Variants in GMDS observed in about 807,000 individuals in gnomAD.
GMDS encodes GDP-mannose 4,6-dehydratase.
A neutral mutation model predicts 49.9 loss-of-function variants in GMDS; 20 were observed. The observed-to-expected ratio is 0.40, with a 90% CI of 0.28 to 0.58. The LOEUF (loss-of-function observed/expected upper bound fraction) is 0.58. Ranked by LOEUF, GMDS falls within the 20% of genes least tolerant of loss-of-function variation. GMDS has a pLI of 0.42. For missense variants in GMDS, 362 were observed against 481.4 expected, an observed-to-expected ratio of 0.75 and a Z score of 2.32; for synonymous variants, 177 against 178.6, an observed-to-expected ratio of 0.99 and a Z score of 0.07.
chr6:1,976,939 C>T (rs1309243562), intron 4 of GMDS, among the ~76,000 whole-genome samples: 9 of 152,220 alleles, frequency 5.9e-5, no homozygotes, highest in South Asian at 2.1e-4. Flanking sequence ...TCTACTACAA[C>T]GCAGGTCAAT....
In GMDS at chr6:2,115,862, C is replaced by G. The variant is rs1459796058; in HGVS notation, c.254G>C (p.Gly85Ala). ...AAGGCAGGTACTGTCAGTGAGATCG[C>G]CATAGTGCAACTTCATGTCTTCAGG... ...HIEGNMKLHY[G>A]DLTDSTCLVK... The change falls in exon 4 of 11, where the codon GGC becomes GCC. Residue 85 changes from glycine (G) to alanine (A), a missense_variant. Gly to Ala is a moderately conservative substitution (Grantham distance 60). Coordinates refer to ENST00000380815, the MANE Select transcript of GMDS (RefSeq NM_001500.4). 3.1e-6 allele frequency: 5 copies of G among 1,593,256 alleles called. No homozygotes were observed. Among genetic ancestry groups the G allele is most frequent in the Non-Finnish European group, 4.3e-6 (5 of 1,161,524 alleles).
At chr6:1,808,065 T>C (rs927501796) in intron 7 of GMDS, among the ~76,000 whole-genome samples, 3 of 152,226 alleles carry the variant, frequency 2.0e-5, no homozygotes, top group Admixed American at 1.3e-4. Flanking sequence ...CACTGTATTA[T>C]GTAATTTGCA....
In GMDS at chr6:1,633,820, G is replaced by T. The variant is rs187330670; in HGVS notation, c.988-9280C>A. 1.9e-3 allele frequency among the ~76,000 whole-genome samples: 284 copies of T among 152,176 alleles called. 2 individuals carry two copies. Among genetic ancestry groups the T allele is most frequent in the Non-Finnish European group, 3.2e-3 (218 of 68,010 alleles). On this transcript the variant is annotated intron_variant, in intron 9 of 10. Transcript: ENST00000380815. ...CCTCCCGGGTGGTTTCTGCCATGGA[G>T]CCCAGGCCTTTCCCAGCAAAGCCAC... is the stretch of plus-strand genomic sequence containing the variant.
intron 7 of GMDS, among the ~76,000 whole-genome samples, chr6:1,823,748 G>A (rs1770990903): frequency 6.6e-6 from 1 of 152,042 alleles, no homozygotes; most frequent in Non-Finnish European, 1.5e-5. Flanking sequence ...AGGCACAGAG[G>A]GTCTATGGAG....
At chr6:1,768,316 G>C (rs1308562759) in intron 7 of GMDS, among the ~76,000 whole-genome samples, 1 of 152,176 alleles carries the variant, frequency 6.6e-6, no homozygotes, top group Non-Finnish European at 1.5e-5. Flanking sequence ...TAGAACGACA[G>C]TATAATCAAT....
In GMDS at chr6:1,868,836, T is replaced by G. The variant is rs552016521; in HGVS notation, c.771+61267A>C. 3.3e-5 allele frequency among the ~76,000 whole-genome samples: 5 copies of G among 152,358 alleles called. No individual in the cohort carries two copies. The South Asian group carries it at 1.0e-3, about 32-fold the overall frequency. On this transcript the variant is annotated intron_variant, in intron 7 of 10. Coordinates refer to ENST00000380815, the MANE Select transcript of GMDS (RefSeq NM_001500.4). ...TATAACTTAGAATCTTATAAGGCAT[T>G]ATTTGTACATTATTTGAAATCAGAA...
intron 1 of GMDS, among the ~76,000 whole-genome samples, chr6:2,216,831 C>T (rs1232426484): frequency 2.0e-5 from 3 of 152,198 alleles, no homozygotes; most frequent in Non-Finnish European, 4.4e-5. Context: ...TTTAAGTTGG[C>T]TGCTTCCCAC....
intron 4 of GMDS, among the ~76,000 whole-genome samples, chr6:2,004,306 T>C (rs189552638): frequency 3.3e-4 from 51 of 152,334 alleles, no homozygotes; most frequent in Admixed American, 1.6e-3. Flanking sequence ...TATAGTGCTT[T>C]GTGGAGATCA....
intron 9 of GMDS, among the ~76,000 whole-genome samples, chr6:1,684,349 C>A (rs960796623): frequency 6.6e-6 from 1 of 152,132 alleles, no homozygotes; most frequent in African/African-American, 2.4e-5. Flanking sequence ...CTCACTCAAA[C>A]GTATGTAACC....
chr6:1,958,885 T>G (rs1763784408), intron 6 of GMDS, among the ~76,000 whole-genome samples: 1 of 152,198 alleles, frequency 6.6e-6, no homozygotes, highest in Non-Finnish European at 1.5e-5. Flanking sequence ...TGTGCATGCT[T>G]TGTAAAGCTT....
At chr6:2,089,493 T>C (rs993503131) in intron 4 of GMDS, among the ~76,000 whole-genome samples, 2 of 151,134 alleles carry the variant, frequency 1.3e-5, no homozygotes. Flanking sequence ...GAAGGGAGAA[T>C]AGATAATAAG....
intron 7 of GMDS, among the ~76,000 whole-genome samples, chr6:1,922,755 G>A (rs555630563): frequency 1.8e-4 from 28 of 152,258 alleles, no homozygotes; most frequent in Admixed American, 1.4e-3. Context: ...GGGAAGAGCC[G>A]GCTGGACGTC....
chr6:2,237,629 C>G (rs1781424039), intron 1 of GMDS, among the ~76,000 whole-genome samples: 1 of 147,350 alleles, frequency 6.8e-6, no homozygotes, highest in African/African-American at 2.5e-5. Flanking sequence ...TCAAGCGATT[C>G]TCCTGCCTCA....
chr6:2,157,955 T>C (rs761490504), intron 1 of GMDS, among the ~76,000 whole-genome samples: 7 of 152,138 alleles, frequency 4.6e-5, no homozygotes, highest in African/African-American at 7.2e-5. Context: ...TGTTTGGAAA[T>C]GGGCATTAAA....
chr6:2,033,827 T>A (rs947706845), intron 4 of GMDS, among the ~76,000 whole-genome samples: 17 of 152,292 alleles, frequency 1.1e-4, no homozygotes, highest in African/African-American at 3.8e-4. Flanking sequence ...AGCTCTAAGA[T>A]GGAGGTGTTG....
rs1029576611 is a variant in GMDS at position 2,208,000 on chromosome 6, A to G, written c.102+37321T>C. ...CCCAGTCAGGAAAGATGAGGTGGAA[A>G]AGGCAGACAGGTATTCCCTTCCCAG... On this transcript the variant is annotated intron_variant, in intron 1 of 10. Coordinates refer to ENST00000380815, the MANE Select transcript of GMDS (RefSeq NM_001500.4). Among the ~76,000 whole-genome samples, 11 of 151,944 alleles carry G rather than the reference A, an allele frequency of 7.2e-5. No individual in the cohort carries two copies. In the South Asian group the frequency reaches 1.0e-3, roughly 14 times the overall value.
In GMDS at chr6:1,905,924, C is replaced by G. The variant is rs1303272696; in HGVS notation, c.771+24179G>C. On this transcript the variant is annotated intron_variant, in intron 7 of 10. Transcript: ENST00000380815. The stretch of plus-strand genomic sequence containing the variant: ...TCTGGGAACACGTATGCAGGTGTCC[C>G]TGAGAAGGAGCGCCCAGGTGGCTGT... Among the ~76,000 whole-genome samples the G allele has an allele frequency of 2.0e-5, 3 of 151,618 alleles. 1 individual carries two copies. The highest frequency in any genetic ancestry group is 4.4e-5 in the Non-Finnish European group (3 of 67,964).
chr6:1,767,985 C>T (rs1768424056), intron 7 of GMDS, among the ~76,000 whole-genome samples: 2 of 152,092 alleles, frequency 1.3e-5, no homozygotes, highest in Non-Finnish European at 2.9e-5. Flanking sequence ...ATGCATACAG[C>T]TTGCCCTCAG....
At chr6:1,737,884 C>T (rs546141520) in intron 8 of GMDS, among the ~76,000 whole-genome samples, 10 of 147,246 alleles carry the variant, frequency 6.8e-5, no homozygotes, top group South Asian at 2.2e-4. Context: ...TACATACACA[C>T]GCAACCCCAC....
Sources: gnomAD v4.1 joint callset for allele counts (sites outside exome capture counted in the v4.1 genomes callset) on GRCh38, gnomAD v4.1.1 for gene constraint, MANE v1.5 for transcripts, NCBI Gene and HGNC (gene_info 2026-07-23, HGNC 2026-07-21) for gene names.